DYRK1A: variants seen among roughly 807,000 people sequenced by gnomAD.
DYRK1A encodes the protein dual specificity tyrosine phosphorylation regulated kinase 1A.
In DYRK1A, 9 loss-of-function variants were observed where a neutral mutation model predicts 79.7. The ratio of observed to expected loss-of-function variants is 0.11; its 90% CI spans 0.07 to 0.20. The LOEUF is 0.20. DYRK1A is among the 10% of genes least tolerant of loss of function. DYRK1A has a pLI of 1.00. For synonymous variants in DYRK1A, 349 were observed against 329.7 expected (o/e 1.06, Z -0.63); for missense variants, 622 against 956.0 (o/e 0.65, Z 4.61).
At chr21:37,385,817 T>A (rs941510299) in intron 1 of DYRK1A, among the ~76,000 whole-genome samples, 17 of 152,204 alleles carry the variant, frequency 1.1e-4, no homozygotes, top group Admixed American at 4.6e-4. Flanking sequence ...TCTGAAAGAT[T>A]TTCCCTCTGT....
intron 2 of DYRK1A, among the ~76,000 whole-genome samples, chr21:37,443,725 A>C (rs1004434117): frequency 6.6e-6 from 1 of 152,148 alleles, no homozygotes; most frequent in Non-Finnish European, 1.5e-5. Context: ...GTTTGCTGGC[A>C]ATCTTGGGCA....
At position 37,393,605 on chromosome 21, in the gene DYRK1A, C is replaced by G. The variant is rs1414592301; in HGVS notation, c.-77+25977C>G. Among the ~76,000 whole-genome samples the G allele has an allele frequency of 2.0e-5, 3 of 152,202 alleles. No individual in the cohort carries two copies. The East Asian group carries it at 5.8e-4, about 29-fold the overall frequency. On this transcript the variant is annotated intron_variant, in intron 1 of 11. Coordinates refer to ENST00000647188, the MANE Select transcript of DYRK1A (RefSeq NM_001347721.2). ...AGAATGTTTATTTTGAAACATTTTACAAACAGGTTTGTTGTAATTCTTTCC... is the reference window on the plus strand; with the variant it reads ...AGAATGTTTATTTTGAAACATTTTAGAAACAGGTTTGTTGTAATTCTTTCC...
At chr21:37,458,156 C>T (rs978023183) in intron 2 of DYRK1A, among the ~76,000 whole-genome samples, 42 of 152,060 alleles carry the variant, frequency 2.8e-4, no homozygotes, top group African/African-American at 9.6e-4. Context: ...TGTGCCATTC[C>T]CCCTCTTTTT....
At chr21:37,500,710 T>C (rs1050380972) in intron 9 of DYRK1A, among the ~76,000 whole-genome samples, 1 of 152,104 alleles carries the variant, frequency 6.6e-6, no homozygotes, top group African/African-American at 2.4e-5. Flanking sequence ...CAAGAAACTT[T>C]TCTTTCTCAT....
intron 2 of DYRK1A, among the ~76,000 whole-genome samples, chr21:37,468,921 G>A (rs1360344622): frequency 1.3e-5 from 2 of 152,124 alleles, no homozygotes; most frequent in Non-Finnish European, 2.9e-5. Flanking sequence ...ACCAATAGGG[G>A]CTCGATCATA....
chr21:37,370,562 A>G (rs2049409863), intron 1 of DYRK1A, among the ~76,000 whole-genome samples: 1 of 152,154 alleles, frequency 6.6e-6, no homozygotes, highest in Non-Finnish European at 1.5e-5. Flanking sequence ...ATATTTGAGA[A>G]GGCTTTCACG....
chr21:37,395,335 T>A (rs926023579), intron 1 of DYRK1A, among the ~76,000 whole-genome samples: 1 of 152,224 alleles, frequency 6.6e-6, no homozygotes, highest in Non-Finnish European at 1.5e-5. Flanking sequence ...TTATTCTCTG[T>A]AAGGATGATG....
At position 37,467,759 on chromosome 21, in the gene DYRK1A, T is replaced by G. The variant is rs75201725; in HGVS notation, c.11-4925T>G. On this transcript the variant is annotated intron_variant, in intron 2 of 11. Coordinates refer to ENST00000647188, the MANE Select transcript of DYRK1A (RefSeq NM_001347721.2). Reference sequence around the variant, plus strand: ...AGCAACCATAATACTGGAGAAATGTTGAAAGCTTTCTTTCTAAGAAAGCTG... The same window carrying G: ...AGCAACCATAATACTGGAGAAATGTGGAAAGCTTTCTTTCTAAGAAAGCTG... Among the ~76,000 whole-genome samples the G allele has an allele frequency of 9.0e-3, 1,378 of 152,288 alleles. 19 individuals are homozygous for G. The highest frequency in any genetic ancestry group is 0.032 in the African/African-American group (1,323 of 41,546).
At chr21:37,475,754 C>T (rs1262768814) in intron 3 of DYRK1A, among the ~76,000 whole-genome samples, 1 of 152,144 alleles carries the variant, frequency 6.6e-6, no homozygotes, top group Non-Finnish European at 1.5e-5. Flanking sequence ...GATCATGTAA[C>T]TCATGTTTAT....
intron 2 of DYRK1A, among the ~76,000 whole-genome samples, chr21:37,444,173 C>T (rs1447780620): frequency 6.6e-6 from 1 of 152,184 alleles, no homozygotes; most frequent in Non-Finnish European, 1.5e-5. Context: ...TAAATATTTA[C>T]ATGGCATATT....
intron 5 of DYRK1A, among the ~76,000 whole-genome samples, chr21:37,482,684 C>T (rs2052693769): frequency 6.6e-6 from 1 of 152,140 alleles, no homozygotes. Flanking sequence ...GCGGGAATTT[C>T]CTTGTCCTAA....
At chr21:37,443,878 T>A (rs2051183719) in intron 2 of DYRK1A, among the ~76,000 whole-genome samples, 1 of 152,240 alleles carries the variant, frequency 6.6e-6, no homozygotes, top group African/African-American at 2.4e-5. Flanking sequence ...CCTGATGACC[T>A]CATCTTAACT....
At chr21:37,478,332 C>G in intron 4 of DYRK1A, 32 bp downstream of exon 4, 1 of 1,596,248 alleles carries the variant, frequency 6.3e-7, no homozygotes, top group Non-Finnish European at 8.6e-7. Flanking sequence ...TAACATCTAT[C>G]TTGCAGTATG....
chr21:37,517,844 A>G lies in DYRK1A; in HGVS notation c.*5313A>G, dbSNP rs2053896359. ...GGTGGGGTTTGTTAACTCCCTCTGA[A>G]ATGAAAGAAAATACCTCTAGTGGCA... On this transcript the variant is annotated 3_prime_UTR_variant, in exon 12 of 12. Coordinates refer to ENST00000647188, the MANE Select transcript of DYRK1A (RefSeq NM_001347721.2). 1 of 152,162 alleles carries G rather than the reference A, an allele frequency of 6.6e-6. No homozygotes were observed. The highest frequency in any genetic ancestry group is 6.5e-5 in the Admixed American group (1 of 15,284). The allele number at this position is 152,162 out of a possible 1,614,324, so 9.4% of individuals were successfully genotyped here.
chr21:37,512,098 G>A lies in DYRK1A; in HGVS notation c.1832G>A (p.Gly611Glu), dbSNP rs1265487026. The A allele has an allele frequency of 2.5e-6, 4 of 1,613,986 alleles. No individual in the cohort carries two copies. The highest frequency in any genetic ancestry group is 3.4e-6 in the Non-Finnish European group (4 of 1,179,996). ...CACCACCACCATCACCACCACCATG[G>A]ACAACAAGCCTTGGGTAACCGGACC... ...HHHHHHHHHH[G>E]QQALGNRTRP... is the part of the protein sequence containing the mutation. Residue 611 changes from glycine to glutamate, a missense_variant, in exon 12 of 12, where the codon GGA (glycine) becomes GAA (glutamate). By Grantham distance (98) the Gly-to-Glu change is moderately conservative (BLOSUM62 -2). Coordinates refer to ENST00000647188, the MANE Select transcript of DYRK1A (RefSeq NM_001347721.2).
intron 1 of DYRK1A, among the ~76,000 whole-genome samples, chr21:37,395,302 TC>T (rs1266778964): frequency 6.6e-6 from 1 of 152,224 alleles, no homozygotes; most frequent in Non-Finnish European, 1.5e-5. Context: ...AGTTTGAAGA[TC>T]GCATTTTTAG....
rs1368555626 is a variant in DYRK1A at position 37,522,696 on chromosome 21, C to T, written c.*10165C>T. The T allele has an allele frequency of 1.3e-5, 2 of 152,244 alleles. No individual in the cohort carries two copies. The highest frequency in any genetic ancestry group is 2.9e-5 in the Non-Finnish European group (2 of 68,054). The allele number at this position is 152,244 out of a possible 1,614,324, so 9.4% of individuals were successfully genotyped here. ...AGATGTTGAACAGGTTTCTCTCCGA[C>T]AATCGTCTCGTTTAATTGTGAAACT... On this transcript the variant is annotated 3_prime_UTR_variant, in exon 12 of 12. Coordinates refer to ENST00000647188, the MANE Select transcript of DYRK1A (RefSeq NM_001347721.2).
intron 1 of DYRK1A, among the ~76,000 whole-genome samples, chr21:37,408,333 A>C (rs961424111): frequency 1.3e-5 from 2 of 152,238 alleles, no homozygotes; most frequent in African/African-American, 4.8e-5. Flanking sequence ...CAATGGCAAG[A>C]AACTGAAAAC....
Position 37,438,716 on chromosome 21 carries a change from C to T in DYRK1A, c.10+18332C>T, listed in dbSNP as rs193232245. Among the ~76,000 whole-genome samples, 587 of 152,236 alleles carry T rather than the reference C, an allele frequency of 3.9e-3. 3 individuals are homozygous for T. The highest frequency in any genetic ancestry group is 4.4e-3 in the Non-Finnish European group (301 of 68,006). On this transcript the variant is annotated intron_variant, in intron 2 of 11. Coordinates refer to ENST00000647188, the MANE Select transcript of DYRK1A (RefSeq NM_001347721.2). Reference sequence around the variant, plus strand: ...TGATACCAATACCATATTGTGTTGACCTTCTGTGGCCTTAATAATAATTAA... The same window carrying T: ...TGATACCAATACCATATTGTGTTGATCTTCTGTGGCCTTAATAATAATTAA...
Sources: gnomAD v4.1 joint callset for allele counts (sites outside exome capture counted in the v4.1 genomes callset) on GRCh38, gnomAD v4.1.1 for gene constraint, MANE v1.5 for transcripts, NCBI Gene and HGNC (gene_info 2026-07-23, HGNC 2026-07-21) for gene names.